Variants in CYRIA observed in about 807,000 individuals in gnomAD.
CYRIA encodes CYFIP-related Rac1 interactor A.
A neutral mutation model predicts 43.9 loss-of-function variants in CYRIA; 15 were observed. The ratio of observed to expected loss-of-function variants is 0.34; its 90% CI spans 0.23 to 0.53. The LOEUF (loss-of-function observed/expected upper bound fraction) is 0.53. Among genes scored for constraint, CYRIA ranks in the 20% least tolerant of loss-of-function variants. CYRIA has a pLI of 0.94. For synonymous variants in CYRIA, 117 were observed against 136.0 expected (o/e 0.86, Z 0.97); for missense variants, 236 against 394.2 (o/e 0.60, Z 3.40).
At chr2:16,652,341 A>G (rs1013742317) in intron 1 of CYRIA, among the ~76,000 whole-genome samples, 8 of 152,172 alleles carry the variant, frequency 5.3e-5, no homozygotes, top group South Asian at 4.1e-4. Context: ...GAGGAGCAGG[A>G]TTCAGATGGG....
intron 3 of CYRIA, among the ~76,000 whole-genome samples, chr2:16,574,386 T>A (rs1667249970): frequency 6.6e-6 from 1 of 152,086 alleles, no homozygotes; most frequent in Non-Finnish European, 1.5e-5. Flanking sequence ...GAAAAGAAAA[T>A]CCCATTGTCT....
chr2:16,626,455 C>G (rs1453462451), intron 1 of CYRIA, among the ~76,000 whole-genome samples: 1 of 152,188 alleles, frequency 6.6e-6, no homozygotes, highest in Non-Finnish European at 1.5e-5. Flanking sequence ...ACCCTCACCC[C>G]ACCTTCTCCC....
chr2:16,647,028 C>G (rs1169948155), intron 1 of CYRIA, among the ~76,000 whole-genome samples: 2 of 152,178 alleles, frequency 1.3e-5, no homozygotes, highest in South Asian at 4.1e-4. Context: ...GCCCCTATAA[C>G]CATGTTGGTT....
At position 16,645,388 on chromosome 2, in the gene CYRIA, A is replaced by G. The variant is rs1395011053; in HGVS notation, c.-167+20392T>C. On this transcript the variant is annotated intron_variant, in intron 1 of 11. Coordinates refer to ENST00000381323, the MANE Select transcript of CYRIA (RefSeq NM_030797.4). ...CCCCTCTTTGAGCATCAGCTTCCTT[A>G]TATAATAAAAACGAAGCGGATATGC... Among the ~76,000 whole-genome samples, 4 of 152,344 alleles carry G rather than the reference A, an allele frequency of 2.6e-5. No individual in the cohort carries two copies. In the East Asian group the frequency reaches 7.7e-4, roughly 29 times the overall value.
intron 1 of CYRIA, among the ~76,000 whole-genome samples, chr2:16,665,445 T>C (rs1273676859): frequency 1.3e-5 from 2 of 150,614 alleles, no homozygotes; most frequent in Non-Finnish European, 3.0e-5. Flanking sequence ...CCTGCAAGAA[T>C]GGAGCTTATG....
In CYRIA at chr2:16,552,046, CT is replaced by C. The variant is rs1282842350; in HGVS notation, c.*889del. 1 of 152,040 alleles carries C rather than the reference CT, an allele frequency of 6.6e-6. No individual in the cohort carries two copies. The highest frequency in any genetic ancestry group is 2.4e-5 in the African/African-American group (1 of 41,410). The allele number at this position is 152,040 out of a possible 1,614,324, so 9.4% of individuals were successfully genotyped here. ...TATGAATGGTCTTCAGAGAACAGGG[CT>C]CTTATGAGGGGTGGCTGTGCACCCA... On this transcript the variant is annotated 3_prime_UTR_variant, in exon 12 of 12. Coordinates refer to ENST00000381323, the MANE Select transcript of CYRIA (RefSeq NM_030797.4).
At chr2:16,645,243 C>G (rs1669786141) in intron 1 of CYRIA, among the ~76,000 whole-genome samples, 1 of 152,214 alleles carries the variant, frequency 6.6e-6, no homozygotes, top group Admixed American at 6.5e-5. Flanking sequence ...CTATTCTTGG[C>G]TTGCATATTT....
intron 1 of CYRIA, among the ~76,000 whole-genome samples, chr2:16,632,818 T>A (rs553430289): frequency 6.6e-6 from 1 of 152,148 alleles, no homozygotes; most frequent in Middle Eastern, 3.4e-3. Context: ...CTCCAGACAA[T>A]AGCACAGCTG....
chr2:16,609,018 A>T (rs1668503390), intron 2 of CYRIA, among the ~76,000 whole-genome samples: 2 of 152,202 alleles, frequency 1.3e-5, no homozygotes. Flanking sequence ...ATCCAAAAAA[A>T]AACACAGAGC....
intron 10 of CYRIA, among the ~76,000 whole-genome samples, chr2:16,557,933 G>T (rs1300963166): frequency 1.3e-5 from 2 of 152,072 alleles, no homozygotes; most frequent in Non-Finnish European, 2.9e-5. Context: ...TCAATCTATA[G>T]TATGAAAATG....
intron 3 of CYRIA, among the ~76,000 whole-genome samples, chr2:16,566,050 CT>C (rs1351929237): frequency 6.6e-6 from 1 of 152,106 alleles, no homozygotes; most frequent in Non-Finnish European, 1.5e-5. Flanking sequence ...TTTTGCACAC[CT>C]GCTACGTAAA....
chr2:16,562,925 C>T (rs1203885638), intron 5 of CYRIA, among the ~76,000 whole-genome samples: 2 of 152,100 alleles, frequency 1.3e-5, no homozygotes, highest in African/African-American at 2.4e-5. Flanking sequence ...ACAGGACGGC[C>T]CACAACTCTA....
rs528076127 is a variant in CYRIA at position 16,553,755 on chromosome 2, C to T, written c.909-756G>A. On this transcript the variant is annotated intron_variant, in intron 11 of 11. Transcript: ENST00000381323. ...ATCTGGAAAGCCTGTGCTCCTCTGA[C>T]ATCATCACAGTGCCTCCAGGAGGTA... Among the ~76,000 whole-genome samples, 33 of 152,242 alleles carry T rather than the reference C, an allele frequency of 2.2e-4. 1 individual carries two copies. In the South Asian group the frequency reaches 6.6e-3, roughly 31 times the overall value.
intron 10 of CYRIA, among the ~76,000 whole-genome samples, chr2:16,555,944 C>T (rs916143214): frequency 2.0e-5 from 3 of 152,070 alleles, no homozygotes; most frequent in Non-Finnish European, 4.4e-5. Context: ...AGGCAAGTGT[C>T]TTAGCTTTTT....
At chr2:16,646,934 T>C (rs1237823273) in intron 1 of CYRIA, among the ~76,000 whole-genome samples, 1 of 152,218 alleles carries the variant, frequency 6.6e-6, no homozygotes, top group Non-Finnish European at 1.5e-5. Context: ...CTCCTGGTTC[T>C]CAGCCCTTCT....
chr2:16,629,515 G>A (rs1191483702), intron 1 of CYRIA, among the ~76,000 whole-genome samples: 2 of 152,208 alleles, frequency 1.3e-5, no homozygotes, highest in African/African-American at 4.8e-5. Flanking sequence ...GTTCTCTGAA[G>A]AGACCGTTTC....
At chr2:16,591,685 G>A (rs375008336) in intron 2 of CYRIA, among the ~76,000 whole-genome samples, 1 of 152,098 alleles carries the variant, frequency 6.6e-6, no homozygotes, top group Admixed American at 6.5e-5. Context: ...CTGCTGCTGG[G>A]TCTATCCCAA....
intron 1 of CYRIA, among the ~76,000 whole-genome samples, chr2:16,630,377 G>A (rs1484239181): frequency 2.6e-5 from 4 of 152,172 alleles, no homozygotes; most frequent in African/African-American, 9.7e-5. Context: ...TCATGGGGCA[G>A]AGAAGGCAAT....
chr2:16,636,761 G>A (rs1005238961), intron 1 of CYRIA, among the ~76,000 whole-genome samples: 17 of 151,060 alleles, frequency 1.1e-4, no homozygotes, highest in African/African-American at 2.7e-4. Context: ...CCTGGGCAAC[G>A]TAGTAAGATC....
Sources: allele counts gnomAD v4.1 joint callset (sites outside exome capture counted in the v4.1 genomes callset), GRCh38; gene constraint gnomAD v4.1.1; transcripts MANE v1.5; gene names NCBI Gene and HGNC (gene_info 2026-07-23, HGNC 2026-07-21).